The following SLC25A48 variants were observed in gnomAD, a reference collection of about 807,000 sequenced individuals.
The protein encoded by SLC25A48 is CTC-321K16.1.
Under a neutral mutation model 32.2 loss-of-function variants are expected in SLC25A48, and 29 were observed. The observed-to-expected ratio is 0.90, with a 90% CI of 0.67 to 1.23. The LOEUF (loss-of-function observed/expected upper bound fraction) is 1.23. Among genes scored for constraint, SLC25A48 ranks in the 50% most tolerant of loss-of-function variants. SLC25A48 has a pLI of 0.00. For missense variants in SLC25A48, 399 were observed against 422.7 expected (o/e 0.94, Z 0.49); for synonymous variants, 164 against 172.3 (o/e 0.95, Z 0.38).
intron 3 of SLC25A48, among the ~76,000 whole-genome samples, chr5:135,680,983 T>C (rs920312936): frequency 1.3e-5 from 2 of 152,206 alleles, no homozygotes; most frequent in African/African-American, 4.8e-5. Flanking sequence ...TTTCTTTTTC[T>C]TTTTTTCTTT....
rs192283044 is a variant in SLC25A48 at position 135,718,843 on chromosome 5, G to C, written c.-521+83887G>C. Among the ~76,000 whole-genome samples the C allele has an allele frequency of 2.0e-5, 3 of 152,136 alleles. No individual in the cohort carries two copies. In the East Asian group the frequency reaches 5.8e-4, roughly 29 times the overall value. On this transcript the variant is annotated intron_variant, in intron 3 of 10. Coordinates refer to the SLC25A48 transcript ENST00000646290. ...TGAGTAGTTGCCAGAGGTGAGGGGTGGGAGGGAAGTGGATGTGGTTATCAA... is the reference window on the plus strand; with the variant it reads ...TGAGTAGTTGCCAGAGGTGAGGGGTCGGAGGGAAGTGGATGTGGTTATCAA...
Position 135,629,954 on chromosome 5 carries a change from C to T in SLC25A48, c.-709+578C>T, listed in dbSNP as rs1752518641. On this transcript the variant is annotated intron_variant, in intron 2 of 10. Coordinates refer to the SLC25A48 transcript ENST00000646290. The surrounding 1 kb of genome is among the most constrained non-coding windows in gnomAD (Gnocchi z 4.8). The stretch of plus-strand genomic sequence containing the variant: ...GGCAAGGCACCAGCAGTGACTGCCA[C>T]AGGTACCTGCCACAAGACCCCAGAG... 6.6e-6 allele frequency among the ~76,000 whole-genome samples: 1 copy of T among 152,198 alleles called. No individual in the cohort carries two copies. The highest frequency in any genetic ancestry group is 6.5e-5 in the Admixed American group (1 of 15,290).
intron 3 of SLC25A48, among the ~76,000 whole-genome samples, chr5:135,660,024 T>C (rs1331634551): frequency 1.3e-5 from 2 of 152,204 alleles, no homozygotes; most frequent in African/African-American, 4.8e-5. Context: ...TTTTGGTATA[T>C]AGCTGCACTT....
intron 3 of SLC25A48, among the ~76,000 whole-genome samples, chr5:135,758,576 T>G (rs994253425): frequency 6.6e-6 from 1 of 150,742 alleles, no homozygotes; most frequent in Non-Finnish European, 1.5e-5. Flanking sequence ...TAGAATATCA[T>G]GTATTTGAAT....
At position 135,704,549 on chromosome 5, in the gene SLC25A48, G is replaced by A. The variant is rs539778680; in HGVS notation, c.-521+69593G>A. On this transcript the variant is annotated intron_variant, in intron 3 of 10. Coordinates refer to the SLC25A48 transcript ENST00000646290. Reference sequence around the variant, plus strand: ...CAGTTACTTTATGGGACACATGTAAGGGTCAGATAGGACCAAAATTAACTA... The same window carrying A: ...CAGTTACTTTATGGGACACATGTAAAGGTCAGATAGGACCAAAATTAACTA... Among the ~76,000 whole-genome samples, 5 of 152,304 alleles carry A rather than the reference G, an allele frequency of 3.3e-5. No individual in the cohort carries two copies. In the South Asian group the frequency reaches 8.3e-4, roughly 25 times the overall value.
chr5:135,787,485 C>T (rs543903054), intron 3 of SLC25A48, among the ~76,000 whole-genome samples: 1 of 152,078 alleles, frequency 6.6e-6, no homozygotes, highest in African/African-American at 2.4e-5. Flanking sequence ...GAATGTTACT[C>T]CTAATATCAC....
In SLC25A48 at chr5:135,726,539, C is replaced by T. The variant is rs80075807; in HGVS notation, c.-520-85984C>T. The stretch of plus-strand genomic sequence containing the variant: ...CCATGTCTGTAATTTTGTCATTTCA[C>T]GAATGTTGCATAAATGGAATCCTGT... On this transcript the variant is annotated intron_variant, in intron 3 of 10. Transcript: ENST00000646290. 5.2e-3 allele frequency among the ~76,000 whole-genome samples: 794 copies of T among 152,250 alleles called. 7 individuals are homozygous for T. Among genetic ancestry groups the T allele is most frequent in the African/African-American group, 0.018 (745 of 41,546 alleles).
chr5:135,804,574 C>T (rs1166207587), intron 3 of SLC25A48, among the ~76,000 whole-genome samples: 2 of 151,584 alleles, frequency 1.3e-5, no homozygotes, highest in Non-Finnish European at 3.0e-5. Context: ...CCTAATATCA[C>T]AGTGGGTGTA....
chr5:135,731,568 G>A (rs1213779846), intron 3 of SLC25A48, among the ~76,000 whole-genome samples: 2 of 152,104 alleles, frequency 1.3e-5, no homozygotes, highest in Non-Finnish European at 2.9e-5. Context: ...AAGATTTTGT[G>A]GTAAGGGCAA....
intron 3 of SLC25A48, among the ~76,000 whole-genome samples, chr5:135,656,037 C>T (rs1209517946): frequency 6.6e-6 from 1 of 152,090 alleles, no homozygotes; most frequent in Non-Finnish European, 1.5e-5. Flanking sequence ...GAGGGCTGGT[C>T]CTTGTGCAGT....
At chr5:135,674,198 G>C (rs867483984) in intron 3 of SLC25A48, among the ~76,000 whole-genome samples, 2 of 151,764 alleles carry the variant, frequency 1.3e-5, no homozygotes, top group Non-Finnish European at 2.9e-5. Context: ...ATTGTGTTAC[G>C]TGCACAGACT....
At chr5:135,683,400 T>C (rs1444850571) in intron 3 of SLC25A48, among the ~76,000 whole-genome samples, 1 of 152,242 alleles carries the variant, frequency 6.6e-6, no homozygotes, top group Non-Finnish European at 1.5e-5. Context: ...ATCTCATCTT[T>C]TGCTAACTGG....
At chr5:135,838,687 G>C (rs747938179) in intron 1 of SLC25A48, among the ~76,000 whole-genome samples, 8 of 152,270 alleles carry the variant, frequency 5.3e-5, no homozygotes, top group Non-Finnish European at 8.8e-5. Flanking sequence ...TTGGGCTGTG[G>C]CTTCAGAGGG....
chr5:135,831,363 C>T (rs1339592468), upstream of SLC25A48, among the ~76,000 whole-genome samples: 2 of 152,258 alleles, frequency 1.3e-5, no homozygotes, highest in Non-Finnish European at 2.9e-5. Context: ...CAGGCCTGCG[C>T]CAGGCTCTGC....
At chr5:135,632,434 C>T (rs1025670845) in intron 2 of SLC25A48, among the ~76,000 whole-genome samples, 23 of 152,084 alleles carry the variant, frequency 1.5e-4, no homozygotes, top group Admixed American at 1.3e-3. Context: ...GAGGCACAGT[C>T]AAGAAATACC....
intron 7 of SLC25A48, 34 bp from the exon 8 acceptor site, chr5:135,887,998 T>C (rs1254980356): frequency 1.9e-6 from 3 of 1,548,474 alleles, no homozygotes; most frequent in East Asian, 2.4e-5. Flanking sequence ...TTGCCTGCCT[T>C]CTTCTCTGAG....
chr5:135,875,007 T>C, intron 6 of SLC25A48: 4 of 367,912 alleles, frequency 1.1e-5, no homozygotes, highest in Non-Finnish European at 1.9e-5. Flanking sequence ...ATCCCTTCCA[T>C]GAAGGGCGGG....
At chr5:135,835,151 G>A (rs1411293983) in intron 1 of SLC25A48, 1 of 683,062 alleles carries the variant, frequency 1.5e-6, no homozygotes, top group East Asian at 2.8e-5. Flanking sequence ...ACTTGATGAG[G>A]TAATGATTAA....
chr5:135,607,959 C>T (rs894400851), intron 1 of SLC25A48, among the ~76,000 whole-genome samples: 1 of 152,192 alleles, frequency 6.6e-6, no homozygotes, highest in Non-Finnish European at 1.5e-5. Flanking sequence ...TGTCTTCATT[C>T]TTAAAGTGGA....
Sources: allele counts gnomAD v4.1 joint callset (sites outside exome capture counted in the v4.1 genomes callset), GRCh38; gene constraint gnomAD v4.1.1; non-coding constraint Gnocchi (gnomAD v3.1); transcripts MANE v1.5; gene names NCBI Gene and HGNC (gene_info 2026-07-23, HGNC 2026-07-21).